The following ACYP2 variants were observed in gnomAD, a reference collection of about 807,000 sequenced individuals.
ACYP2 encodes the protein acylphosphatase-2.
ACYP2 carries 12 observed loss-of-function variants against 11.2 expected under a neutral mutation model. That is an observed-to-expected ratio of 1.08 (90% confidence interval 0.69 to 1.74). ACYP2 has a LOEUF of 1.74. Among genes scored for constraint, ACYP2 ranks in the 40% most tolerant of loss-of-function variants. The probability of loss-of-function intolerance (pLI) is 0.00; values close to 1 mark genes in which losing one functional copy is unlikely to be tolerated. For synonymous variants in ACYP2, 43 were observed against 32.2 expected, an observed-to-expected ratio of 1.33 and a Z score of -1.13; for missense variants, 134 against 101.9, an observed-to-expected ratio of 1.31 and a Z score of -1.35.
At chr2:53,974,774 G>C (rs943851264) in intron 2 of ACYP2, among the ~76,000 whole-genome samples, 1 of 152,164 alleles carries the variant, frequency 6.6e-6, no homozygotes, top group African/African-American at 2.4e-5. Flanking sequence ...GAGCATTTCT[G>C]TCTGCCAGTG....
chr2:54,138,540 G>T, intron 5 of ACYP2, 99 bp from the exon 3 acceptor site: 2 of 874,454 alleles, frequency 2.3e-6, no homozygotes, highest in Non-Finnish European at 3.5e-6. Flanking sequence ...TACAAAAAAT[G>T]ATTATTAGGT....
intron 6 of ACYP2, among the ~76,000 whole-genome samples, chr2:54,264,805 T>C (rs1334759498): frequency 6.6e-6 from 1 of 152,180 alleles, no homozygotes; most frequent in African/African-American, 2.4e-5. Context: ...TGGAGGAAAT[T>C]AAAATAGGGA....
chr2:54,017,788 C>G (rs539603038), intron 2 of ACYP2, among the ~76,000 whole-genome samples: 2 of 151,708 alleles, frequency 1.3e-5, no homozygotes, highest in Non-Finnish European at 2.9e-5. Context: ...TACTGTATTA[C>G]GTGTGTGTGG....
intron 4 of ACYP2, among the ~76,000 whole-genome samples, chr2:54,132,865 C>T (rs1239218119): frequency 2.0e-5 from 3 of 151,872 alleles, no homozygotes; most frequent in Admixed American, 6.6e-5. Context: ...CTGCCTCAGC[C>T]TCCCAAGTAG....
At chr2:54,126,017 G>A (rs2103752803) in intron 4 of ACYP2, among the ~76,000 whole-genome samples, 1 of 152,262 alleles carries the variant, frequency 6.6e-6, no homozygotes, top group South Asian at 2.1e-4. Flanking sequence ...GGAGAAGGAG[G>A]TTGCAGTGAG....
chr2:54,219,905 ATTTT>A lies in ACYP2; in HGVS notation c.404+81170_404+81173del, dbSNP rs1169547989. The stretch of plus-strand genomic sequence containing the variant: ...TGTATATATATATATATATATATAT[ATTTT>A]TTTTTTTTTTTTAGTAGAGATGGGT... On this transcript the variant is annotated intron_variant, in intron 6 of 6. Coordinates refer to ENST00000607452, the MANE Select transcript of ACYP2 (RefSeq NM_001320586.2). 8.2e-3 allele frequency among the ~76,000 whole-genome samples: 622 copies of A among 75,858 alleles called. 5 individuals are homozygous for A. The highest frequency in any genetic ancestry group is 0.034 in the African/African-American group (600 of 17,712). The allele number at this position is 75,858 out of a possible 152,430, so 49.8% of individuals were successfully genotyped here.
intron 6 of ACYP2, among the ~76,000 whole-genome samples, chr2:54,172,286 G>GA (rs1558586167): frequency 6.6e-6 from 1 of 152,044 alleles, no homozygotes; most frequent in Admixed American, 6.6e-5. Flanking sequence ...ATATACACAT[G>GA]TATATATATT....
intron 4 of ACYP2, among the ~76,000 whole-genome samples, chr2:54,084,336 C>G (rs980150963): frequency 6.6e-6 from 1 of 152,176 alleles, no homozygotes; most frequent in Non-Finnish European, 1.5e-5. Flanking sequence ...ACTCTGTCGT[C>G]CAGGCTGGAG....
chr2:54,042,805 G>A (rs1436766267), intron 2 of ACYP2, among the ~76,000 whole-genome samples: 2 of 152,202 alleles, frequency 1.3e-5, no homozygotes, highest in African/African-American at 4.8e-5. Context: ...TATTTACAAT[G>A]CAGACTCTCG....
intron 6 of ACYP2, among the ~76,000 whole-genome samples, chr2:54,171,937 G>T (rs571592869): frequency 3.3e-5 from 5 of 152,178 alleles, no homozygotes; most frequent in African/African-American, 1.2e-4. Context: ...TCTTGGGTTG[G>T]GTGTGGCGGT....
chr2:54,068,848 T>C (rs1049038401), intron 4 of ACYP2, among the ~76,000 whole-genome samples: 1 of 152,046 alleles, frequency 6.6e-6, no homozygotes, highest in Non-Finnish European at 1.5e-5. Flanking sequence ...GGTACAGCAA[T>C]TTTAGGTGGT....
chr2:54,061,747 A>T (rs370073813), intron 4 of ACYP2, among the ~76,000 whole-genome samples: 1 of 152,134 alleles, frequency 6.6e-6, no homozygotes, highest in African/African-American at 2.4e-5. Flanking sequence ...CAACACATTT[A>T]TTTTCTTATA....
chr2:54,077,972 CTTT>C (rs61532843), intron 4 of ACYP2, among the ~76,000 whole-genome samples: 1 of 143,828 alleles, frequency 7.0e-6, no homozygotes, highest in Non-Finnish European at 1.5e-5. Context: ...TTCTTTCTTT[CTTT>C]TTTTTTTTTT....
intron 6 of ACYP2, among the ~76,000 whole-genome samples, chr2:54,246,038 T>G (rs760323995): frequency 6.6e-6 from 1 of 152,126 alleles, no homozygotes; most frequent in African/African-American, 2.4e-5. Context: ...TTATGTAGAG[T>G]GAGAGATGGA....
intron 6 of ACYP2, among the ~76,000 whole-genome samples, chr2:54,288,668 C>T (rs1000589904): frequency 6.6e-6 from 1 of 152,006 alleles, no homozygotes; most frequent in Non-Finnish European, 1.5e-5. Flanking sequence ...TTCCAGAGAG[C>T]TTTTAGGATC....
intron 2 of ACYP2, among the ~76,000 whole-genome samples, chr2:54,011,379 A>G (rs1414990950): frequency 2.0e-5 from 3 of 152,182 alleles, no homozygotes; most frequent in Non-Finnish European, 4.4e-5. Flanking sequence ...AGCAGAAATA[A>G]TATTCATTGG....
chr2:54,263,619 T>C (rs1349963752), intron 6 of ACYP2, among the ~76,000 whole-genome samples: 1 of 148,990 alleles, frequency 6.7e-6, no homozygotes, highest in East Asian at 2.0e-4. Flanking sequence ...TGACACACCC[T>C]GTCGAAAAAA....
chr2:54,032,449 T>C (rs1674633648), intron 2 of ACYP2, among the ~76,000 whole-genome samples: 1 of 152,232 alleles, frequency 6.6e-6, no homozygotes, highest in South Asian at 2.1e-4. Context: ...TGTGTGGTTT[T>C]ATTTCTGAGG....
chr2:54,138,542 T>G (rs1681402342), intron 5 of ACYP2, 97 bp from the exon 3 acceptor site: 2 of 886,472 alleles, frequency 2.3e-6, no homozygotes, highest in Admixed American at 2.9e-5. Context: ...CAAAAAATGA[T>G]TATTAGGTTA....
Sources: gnomAD v4.1 joint callset for allele counts (sites outside exome capture counted in the v4.1 genomes callset) on GRCh38, gnomAD v4.1.1 for gene constraint, MANE v1.5 for transcripts, NCBI Gene and HGNC (gene_info 2026-07-23, HGNC 2026-07-21) for gene names.